The following RUNX2 variants were observed in gnomAD, a reference collection of about 807,000 sequenced individuals.
The protein encoded by RUNX2 is RUNX family transcription factor 2.
Under a neutral mutation model 51.7 loss-of-function variants are expected in RUNX2, and 10 were observed. That is an observed-to-expected ratio of 0.19 (90% CI 0.12 to 0.33). RUNX2 has a LOEUF of 0.33. RUNX2 is among the 10% of genes least tolerant of loss of function. The pLI is 1.00. For synonymous variants in RUNX2, 276 were observed against 273.6 expected (o/e 1.01, Z -0.09); for missense variants, 562 against 691.3 (o/e 0.81, Z 2.10).
rs1434604295 is a variant in RUNX2 at position 45,427,235 on chromosome 6, G to A, written c.423+4278G>A. On this transcript the variant is annotated intron_variant, in intron 3 of 8. Coordinates refer to ENST00000647337, the MANE Select transcript of RUNX2 (RefSeq NM_001024630.4). ...CTATTAAATATTTGAAAATAGGTAT[G>A]GTAGATATCTTTCATTATTTTTTCC... Among the ~76,000 whole-genome samples, 3 of 152,044 alleles carry A rather than the reference G, an allele frequency of 2.0e-5. No individual in the cohort carries two copies. The East Asian group carries it at 5.8e-4, about 29-fold the overall frequency.
intron 2 of RUNX2, among the ~76,000 whole-genome samples, chr6:45,403,409 T>A (rs1489218341): frequency 6.6e-6 from 1 of 152,014 alleles, no homozygotes; most frequent in Non-Finnish European, 1.5e-5. Context: ...AATTTTGTAT[T>A]TTTAGTAGAG....
chr6:45,507,961 C>T lies in RUNX2; in HGVS notation c.860-4285C>T, dbSNP rs565087548. Among the ~76,000 whole-genome samples, 5 of 152,262 alleles carry T rather than the reference C, an allele frequency of 3.3e-5. No homozygotes were observed. In the South Asian group the frequency reaches 1.0e-3, roughly 32 times the overall value. ...ATTATCTCATTTAATCATCAGACAA[C>T]TTTATGAAGGAGATATTCTTATTTA... On this transcript the variant is annotated intron_variant, in intron 6 of 8. Coordinates refer to ENST00000647337, the MANE Select transcript of RUNX2 (RefSeq NM_001024630.4).
intron 5 of RUNX2, among the ~76,000 whole-genome samples, chr6:45,439,768 G>A (rs1004136024): frequency 3.3e-5 from 5 of 152,122 alleles, no homozygotes; most frequent in Admixed American, 2.6e-4. Flanking sequence ...GGAGAGGAAA[G>A]AGGGAAGGAT....
intron 2 of RUNX2, among the ~76,000 whole-genome samples, chr6:45,354,404 TCA>T (rs1385660838): frequency 6.6e-6 from 1 of 152,082 alleles, no homozygotes; most frequent in Admixed American, 6.6e-5. Context: ...AAAAATTAAG[TCA>T]CACACAAATG....
At chr6:45,500,417 A>G (rs1398736601) in intron 6 of RUNX2, among the ~76,000 whole-genome samples, 2 of 152,190 alleles carry the variant, frequency 1.3e-5, no homozygotes, top group African/African-American at 4.8e-5. Context: ...CTTGCTTTTT[A>G]ATGGCTTAAA....
chr6:45,379,709 A>G (rs2150341582), intron 2 of RUNX2, among the ~76,000 whole-genome samples: 1 of 152,296 alleles, frequency 6.6e-6, no homozygotes. Context: ...TACTAAAAAT[A>G]CAAAAAAGTA....
intron 5 of RUNX2, among the ~76,000 whole-genome samples, chr6:45,470,235 T>C (rs1375692135): frequency 6.6e-6 from 1 of 152,220 alleles, no homozygotes; most frequent in Non-Finnish European, 1.5e-5. Context: ...TGTCTTTGAA[T>C]GTAGAGACCA....
At chr6:45,396,381 C>T (rs1219468538) in intron 2 of RUNX2, among the ~76,000 whole-genome samples, 1 of 152,100 alleles carries the variant, frequency 6.6e-6, no homozygotes, top group Non-Finnish European at 1.5e-5. Context: ...TTTGCATCAT[C>T]CTAAAAGGAT....
chr6:45,431,872 C>A lies in RUNX2; in HGVS notation c.433C>A (p.Leu145Ile). ...TLPVAFKVVA[L>I]GEVPDGTVVT... ...TTCCTGTTTTATGTAGGTGGTAGCCCTCGGAGAGGTACCAGATGGGACTGT... is the reference window on the plus strand; with the variant it reads ...TTCCTGTTTTATGTAGGTGGTAGCCATCGGAGAGGTACCAGATGGGACTGT... The change falls in exon 4 of 9, where the codon CTC (leucine) becomes ATC (isoleucine). Residue 145 changes from leucine (L) to isoleucine (I), a missense_variant. Coordinates refer to ENST00000647337, the MANE Select transcript of RUNX2 (RefSeq NM_001024630.4). The A allele has an allele frequency of 6.2e-7, 1 of 1,614,086 alleles. No individual in the cohort carries two copies. Among genetic ancestry groups the A allele is most frequent in the Non-Finnish European group, 8.5e-7 (1 of 1,179,992 alleles).
chr6:45,479,862 T>C (rs1446965260), intron 5 of RUNX2, among the ~76,000 whole-genome samples: 2 of 152,162 alleles, frequency 1.3e-5, no homozygotes, highest in East Asian at 1.9e-4. Flanking sequence ...AAAAGAAGAG[T>C]AAAACTTGCT....
At chr6:45,338,356 A>T (rs181022355) in intron 2 of RUNX2, among the ~76,000 whole-genome samples, 4,474 of 150,790 alleles carry the variant, frequency 0.03, 92 homozygotes, top group Non-Finnish European at 0.047. Context: ...AAAAAAAAAA[A>T]TTATAGGCAA....
intron 7 of RUNX2, among the ~76,000 whole-genome samples, chr6:45,524,841 G>A (rs564331570): frequency 5.0e-4 from 76 of 152,168 alleles, no homozygotes; most frequent in Non-Finnish European, 9.6e-4. Context: ...GGCTGGGCGC[G>A]GTGGCTCATG....
chr6:45,377,383 CGCCGT>C (rs1796947278), intron 2 of RUNX2: 1 of 152,460 alleles, frequency 6.6e-6, no homozygotes, highest in East Asian at 1.9e-4. Flanking sequence ...ACTCTTCTCT[CGCCGT>C]GCCATAAAGC....
chr6:45,397,747 G>T (rs111275321), intron 2 of RUNX2, among the ~76,000 whole-genome samples: 257 of 152,238 alleles, frequency 1.7e-3, no homozygotes, highest in African/African-American at 6.0e-3. Context: ...CAAAATTAAA[G>T]AATTACTGAT....
chr6:45,461,285 C>A (rs552014053), intron 5 of RUNX2, among the ~76,000 whole-genome samples: 1 of 152,324 alleles, frequency 6.6e-6, no homozygotes, highest in South Asian at 2.1e-4. Flanking sequence ...GGATTGCCAC[C>A]TGACAGGGAA....
intron 7 of RUNX2, among the ~76,000 whole-genome samples, chr6:45,515,518 G>A (rs1801293408): frequency 6.6e-6 from 1 of 152,150 alleles, no homozygotes; most frequent in African/African-American, 2.4e-5. Flanking sequence ...GTCTTGTTAA[G>A]TGAGTCAAAT....
rs79547206 is a variant in RUNX2 at position 45,409,682 on chromosome 6, A to G, written c.59-12911A>G. ...ATTTGATAATTTCAGAAAGAATAAT[A>G]ACACTTAATAATATGAAAATTTCCT... is the stretch of plus-strand genomic sequence containing the variant. On this transcript the variant is annotated intron_variant, in intron 2 of 8. Transcript: ENST00000647337. Among the ~76,000 whole-genome samples, 1,066 of 152,350 alleles carry G rather than the reference A, an allele frequency of 7.0e-3. 13 individuals are homozygous for G. Among genetic ancestry groups the G allele is most frequent in the African/African-American group, 0.024 (993 of 41,576 alleles).
intron 7 of RUNX2, among the ~76,000 whole-genome samples, chr6:45,531,258 C>T (rs1021204052): frequency 6.6e-6 from 1 of 152,178 alleles, no homozygotes; most frequent in Non-Finnish European, 1.5e-5. Context: ...TATCACTGAT[C>T]TTTCCAGCCC....
intron 7 of RUNX2, among the ~76,000 whole-genome samples, chr6:45,524,732 C>T (rs955776192): frequency 2.0e-5 from 3 of 152,134 alleles, no homozygotes; most frequent in Non-Finnish European, 4.4e-5. Context: ...CTGATAATAG[C>T]GTTATGGTAC....
Sources: gnomAD v4.1 joint callset for allele counts (sites outside exome capture counted in the v4.1 genomes callset) on GRCh38, gnomAD v4.1.1 for gene constraint, MANE v1.5 for transcripts, NCBI Gene and HGNC (gene_info 2026-07-23, HGNC 2026-07-21) for gene names.